ALOXE3: variants seen among roughly 807,000 people sequenced by gnomAD.
ALOXE3 encodes the protein hydroperoxide isomerase ALOXE3.
Under a neutral mutation model 87.5 loss-of-function variants are expected in ALOXE3, and 78 were observed. The ratio of observed to expected loss-of-function variants is 0.89; its 90% CI spans 0.74 to 1.08. The LOEUF is 1.08. Among genes scored for constraint, ALOXE3 ranks in the 50% least tolerant of loss-of-function variants. The pLI is 0.00. For synonymous variants in ALOXE3, 363 were observed against 370.8 expected (o/e 0.98, Z 0.24); for missense variants, 946 against 912.4 (o/e 1.04, Z -0.47).
rs778776891 is a variant in ALOXE3 at position 8,103,420 on chromosome 17, G to A, written c.1859C>T (p.Thr620Ile). Residue 620 changes from threonine (T) to isoleucine (I), a missense_variant, in exon 15 of 16, where the codon ACC becomes ATC. Coordinates refer to ENST00000448843, the MANE Select transcript of ALOXE3 (RefSeq NM_021628.3). ...GGTGTCTAGGTAAGTCTTCAGGGTG[G>A]TGGTCCCCTTGGTCTGGGGTGGGGG... ...RQPPPQTKGT[T>I]TLKTYLDTLP... 20 of 1,614,168 alleles carry A rather than the reference G, an allele frequency of 1.2e-5. No homozygotes were observed. Among genetic ancestry groups the A allele is most frequent in the Non-Finnish European group, 5.1e-6 (6 of 1,180,020 alleles).
Position 8,096,612 on chromosome 17 carries a change from G to T in ALOXE3, c.*15C>A. 3 of 1,113,090 alleles carry T rather than the reference G, an allele frequency of 2.7e-6. No homozygotes were observed. Among genetic ancestry groups the T allele is most frequent in the Non-Finnish European group, 4.2e-6 (3 of 722,542 alleles). 69.0% of individuals were successfully genotyped at this position (1,113,090 alleles called of 1,614,324 possible). On this transcript the variant is annotated 3_prime_UTR_variant, in exon 16 of 16. Coordinates refer to ENST00000448843, the MANE Select transcript of ALOXE3 (RefSeq NM_021628.3). The stretch of plus-strand genomic sequence containing the variant: ...CTTGGACCTTTCTTTCTTCTTGGGT[G>T]GTATTTGGGGGTGGTTAGATGGAGA...
intron 12 of ALOXE3, among the ~76,000 whole-genome samples, chr17:8,108,831 C>G (rs527378181): frequency 1.2e-4 from 19 of 152,016 alleles, no homozygotes; most frequent in African/African-American, 3.1e-4. Context: ...GGGGAGTGCA[C>G]GAAGAGTCTG....
intron 13 of ALOXE3, among the ~76,000 whole-genome samples, chr17:8,105,515 A>G (rs1029584787): frequency 6.6e-6 from 1 of 152,116 alleles, no homozygotes; most frequent in African/African-American, 2.4e-5. Flanking sequence ...CTCTCTCCAA[A>G]AGAATGTTAA....
At chr17:8,101,047 G>C (rs1055746212) in intron 15 of ALOXE3, among the ~76,000 whole-genome samples, 2 of 140,608 alleles carry the variant, frequency 1.4e-5, no homozygotes, top group South Asian at 2.2e-4. Context: ...TTTTTTTTGA[G>C]ATGGAACTTC....
intron 15 of ALOXE3, among the ~76,000 whole-genome samples, chr17:8,098,858 C>A (rs912784062): frequency 1.1e-4 from 17 of 150,964 alleles, no homozygotes; most frequent in African/African-American, 4.1e-4. Context: ...ATATTTTTTT[C>A]TTTTTTTGTT....
At chr17:8,099,009 C>A (rs1273432153) in intron 15 of ALOXE3, among the ~76,000 whole-genome samples, 3 of 148,636 alleles carry the variant, frequency 2.0e-5, no homozygotes, top group African/African-American at 7.4e-5. Context: ...CGCCATCATG[C>A]CCGGCTAGTT....
In ALOXE3 at chr17:8,108,557, G is replaced by C. The variant is rs753331368; in HGVS notation, c.1595C>G (p.Pro532Arg). The change falls in exon 13 of 16, where the codon CCC becomes CGC. Residue 532 changes from proline (P) to arginine (R), a missense_variant. By Grantham distance (103) the Pro-to-Arg change is moderately radical. Coordinates refer to ENST00000448843, the MANE Select transcript of ALOXE3 (RefSeq NM_021628.3). ...ATCCTGCTGCACAGATGCGTCACTG[G>C]GATAATAGTAGCCCACGATTTCTGA... ...FVSEIVGYYY[P>R]SDASVQQDSE... is the part of the protein sequence containing the mutation. 6.2e-6 allele frequency: 10 copies of C among 1,612,940 alleles called. No homozygotes were observed. The highest frequency in any genetic ancestry group is 8.5e-6 in the Non-Finnish European group (10 of 1,179,366).
At chr17:8,114,679 C>A in intron 5 of ALOXE3, 70 bp from the exon 6 acceptor site, 22 of 1,603,640 alleles carry the variant, frequency 1.4e-5, no homozygotes, top group Non-Finnish European at 1.8e-5. Context: ...TCAACTCCTT[C>A]CCTCTTTCCT....
At chr17:8,099,782 T>C (rs1428322123) in intron 15 of ALOXE3, among the ~76,000 whole-genome samples, 3 of 151,988 alleles carry the variant, frequency 2.0e-5, no homozygotes, top group Non-Finnish European at 4.4e-5. Context: ...TGATTAGAAT[T>C]GTCTAGGCCA....
At position 8,109,211 on chromosome 17, in the gene ALOXE3, G is replaced by A. The variant is rs754701941; in HGVS notation, c.1525C>T (p.Arg509Ter). The change falls in exon 12 of 16, where the codon CGA becomes TGA. Residue 509 changes from arginine (R) to a stop codon, truncating the protein, a stop_gained. Coordinates refer to ENST00000448843, the MANE Select transcript of ALOXE3 (RefSeq NM_021628.3). LOFTEE classifies it high-confidence loss of function. The stretch of plus-strand genomic sequence containing the variant: ...GCCCAGATCTTCAGGCCGTCGTCTC[G>A]GTAGTGGTAGTTGGGGATAGCCAGG... ...GVLAIPNYHY[R>*]DDGLKIWAAI... The A allele has an allele frequency of 1.2e-6, 2 of 1,613,946 alleles. No homozygotes were observed. The highest frequency in any genetic ancestry group is 1.1e-5 in the South Asian group (1 of 91,084).
intron 8 of ALOXE3, among the ~76,000 whole-genome samples, chr17:8,110,820 C>G (rs1259655694): frequency 6.6e-6 from 1 of 152,186 alleles, no homozygotes; most frequent in Non-Finnish European, 1.5e-5. Flanking sequence ...AGATGGAATC[C>G]CCTTCTGACA....
At chr17:8,096,854 G>T in intron 15 of ALOXE3, 48 bp from the exon 16 acceptor site, 2 of 1,596,064 alleles carry the variant, frequency 1.3e-6, no homozygotes, top group East Asian at 4.5e-5. Context: ...AGATGGGATG[G>T]GGAATAACGG....
intron 13 of ALOXE3, among the ~76,000 whole-genome samples, chr17:8,105,084 T>C (rs1341150563): frequency 1.3e-5 from 2 of 152,124 alleles, no homozygotes; most frequent in African/African-American, 4.8e-5. Context: ...CAAGGACAAA[T>C]GCCCGTCAGA....
intron 13 of ALOXE3, 152 bp from the exon 14 acceptor site, chr17:8,104,367 A>G: frequency 1.5e-6 from 1 of 650,892 alleles, no homozygotes; most frequent in East Asian, 2.9e-5. Flanking sequence ...GATGGCCACC[A>G]CCAAGATTTG....
At chr17:8,103,291 AC>A in intron 15 of ALOXE3, 31 bp downstream of exon 15, 1 of 1,611,972 alleles carries the variant, frequency 6.2e-7, no homozygotes, top group Non-Finnish European at 8.5e-7. Context: ...GCCCTAAAGA[AC>A]CCTACTCCCC....
At position 8,117,996 on chromosome 17, in the gene ALOXE3, G is replaced by A; in HGVS notation, c.-6C>T. 6.2e-7 allele frequency: 1 copy of A among 1,610,242 alleles called. No individual in the cohort carries two copies. Among genetic ancestry groups the A allele is most frequent in the Non-Finnish European group, 8.5e-7 (1 of 1,179,614 alleles). ...CACAGGCGGTACACTGCCATGATGGGAAGGAGGAAGGGATGCCCCGGCAAC... is the reference window on the plus strand; with the variant it reads ...CACAGGCGGTACACTGCCATGATGGAAAGGAGGAAGGGATGCCCCGGCAAC... On this transcript the variant is annotated 5_prime_UTR_variant, in exon 2 of 16. Transcript: ENST00000448843.
At chr17:8,117,788 C>T (rs539299299) in intron 2 of ALOXE3, 56 bp downstream of exon 2, 1 of 1,581,130 alleles carries the variant, frequency 6.3e-7, no homozygotes, top group South Asian at 1.1e-5. Flanking sequence ...AATACTCCTC[C>T]CGCCTGCGGC....
chr17:8,116,942 A>T lies in ALOXE3; in HGVS notation c.186T>A (p.Gly62=). 1 of 1,614,210 alleles carries T rather than the reference A, an allele frequency of 6.2e-7. No individual in the cohort carries two copies. The highest frequency in any genetic ancestry group is 8.5e-7 in the Non-Finnish European group (1 of 1,180,020). Residue 62 remains glycine (G), a synonymous_variant, in exon 3 of 16, where the codon GGT becomes GGA. Transcript: ENST00000448843. ...KYKVRCTAEL[G]ELLLLRVHKE... ...TGTGTACACGCAGCAGCAAGAGCTC[A>T]CCCAGCTCCGCTGTGCAACGCACCT...
upstream of ALOXE3, chr17:8,118,613 G>T: frequency 6.5e-7 from 1 of 1,534,330 alleles, no homozygotes; most frequent in Non-Finnish European, 8.7e-7. Context: ...CATGTCAAAT[G>T]GTCAGGAACA....
Sources: allele counts gnomAD v4.1 joint callset (sites outside exome capture counted in the v4.1 genomes callset), GRCh38; gene constraint gnomAD v4.1.1; transcripts MANE v1.5; gene names NCBI Gene and HGNC (gene_info 2026-07-23, HGNC 2026-07-21).